The following SLC16A1 variants were observed in gnomAD, a reference collection of about 807,000 sequenced individuals.
SLC16A1 encodes solute carrier family 16 member 1.
Under a neutral mutation model 32.2 loss-of-function variants are expected in SLC16A1, and 11 were observed. That is an observed-to-expected ratio of 0.34 (90% CI 0.21 to 0.56). SLC16A1 has a LOEUF of 0.56. Ranked by LOEUF, SLC16A1 falls within the 20% of genes least tolerant of loss-of-function variation. SLC16A1 has a pLI of 0.87. For missense variants in SLC16A1, 435 were observed against 615.0 expected (o/e 0.71, Z 3.10); for synonymous variants, 231 against 226.8 (o/e 1.02, Z -0.17).
At position 112,913,948 on chromosome 1, in the gene SLC16A1, T is replaced by G. The variant is rs1648411220; in HGVS notation, c.1446A>C (p.Glu482Asp). 3.1e-6 allele frequency: 5 copies of G among 1,614,162 alleles called. No individual in the cohort carries two copies. Among genetic ancestry groups the G allele is most frequent in the Non-Finnish European group, 4.2e-6 (5 of 1,180,016 alleles). The change falls in exon 5 of 5, where the codon GAA (glutamate) becomes GAC (aspartate). Residue 482 changes from glutamate (E) to aspartate (D), a missense_variant. By Grantham distance (45) the Glu-to-Asp change is conservative. Transcript: ENST00000369626. ...GKPNEVTKAAESPDQKDTDGG... is the reference protein window; with the variant it reads ...GKPNEVTKAADSPDQKDTDGG... ...CATCTGTGTCTTTCTGGTCCGGAGA[T>G]TCTGCTGCTTTGGTAACTTCATTTG...
chr1:112,936,850 C>A lies in SLC16A1; in HGVS notation c.-44-7498G>T, dbSNP rs750333737. Among the ~76,000 whole-genome samples the A allele has an allele frequency of 3.9e-5, 6 of 152,202 alleles. No homozygotes were observed. The South Asian group carries it at 1.2e-3, about 32-fold the overall frequency. ...CAGAATAATTCCTTCAAAAATATAA[C>A]CCAGTTTAAAAATTGAAGGTCTTTG... is the stretch of plus-strand genomic sequence containing the variant. On this transcript the variant is annotated intron_variant, in intron 1 of 4. Coordinates refer to ENST00000369626, the MANE Select transcript of SLC16A1 (RefSeq NM_003051.4).
intron 2 of SLC16A1, among the ~76,000 whole-genome samples, chr1:112,925,279 G>C (rs917402295): frequency 5.9e-5 from 9 of 152,106 alleles, no homozygotes; most frequent in Non-Finnish European, 1.3e-4. Flanking sequence ...AAGTGATACT[G>C]CCACCACTGC....
rs1648335506 is a variant in SLC16A1, at chr1:112,911,966, G to A, written c.*1925C>T. On this transcript the variant is annotated 3_prime_UTR_variant, in exon 5 of 5. Coordinates refer to ENST00000369626, the MANE Select transcript of SLC16A1 (RefSeq NM_003051.4). ...AGAGAAGAAGTACGCAGAGGTTACA[G>A]ACTTGGGTCCAAAGAAAATTACAGA... 1 of 152,218 alleles carries A rather than the reference G, an allele frequency of 6.6e-6. No homozygotes were observed. The highest frequency in any genetic ancestry group is 6.5e-5 in the Admixed American group (1 of 15,278). The allele number at this position is 152,218 out of a possible 1,614,324, so 9.4% of individuals were successfully genotyped here. A position where few individuals can be genotyped will look rare whatever the true frequency, so the allele number is the denominator to read the frequency against.
chr1:112,919,718 G>A (rs1338527926), intron 3 of SLC16A1, among the ~76,000 whole-genome samples: 1 of 152,170 alleles, frequency 6.6e-6, no homozygotes, highest in Non-Finnish European at 1.5e-5. Context: ...CTTCCTCCCT[G>A]ACCTCATAGC....
chr1:112,940,229 A>T (rs1649463097), intron 1 of SLC16A1, among the ~76,000 whole-genome samples: 1 of 151,380 alleles, frequency 6.6e-6, no homozygotes, highest in Non-Finnish European at 1.5e-5. Flanking sequence ...GTAGAGATGA[A>T]GTTTTGCCGT....
At chr1:112,945,489 A>G (rs1463661826) in intron 1 of SLC16A1, among the ~76,000 whole-genome samples, 1 of 150,916 alleles carries the variant, frequency 6.6e-6, no homozygotes, top group Non-Finnish European at 1.5e-5. Context: ...AGCCTGGCCA[A>G]CGTGGTGAAA....
chr1:112,921,971 T>C lies in SLC16A1; in HGVS notation c.361+19A>G, dbSNP rs760887058. 1 of 1,613,630 alleles carries C rather than the reference T, an allele frequency of 6.2e-7. No homozygotes were observed. Among genetic ancestry groups the C allele is most frequent in the Non-Finnish European group, 8.5e-7 (1 of 1,179,548 alleles). On this transcript the variant is annotated intron_variant, in intron 3 of 4. Coordinates refer to ENST00000369626, the MANE Select transcript of SLC16A1 (RefSeq NM_003051.4). ...CCAGCCATAAACTAATGCTTCCAAA[T>C]GAATCAGTAGTAACTCACCTCCAAT...
At position 112,912,459 on chromosome 1, in the gene SLC16A1, A is replaced by G. The variant is rs188974082; in HGVS notation, c.*1432T>C. 31 of 152,340 alleles carry G rather than the reference A, an allele frequency of 2.0e-4. No individual in the cohort carries two copies. Among genetic ancestry groups the G allele is most frequent in the African/African-American group, 7.2e-4 (30 of 41,590 alleles). The allele number at this position is 152,340 out of a possible 1,614,324, so 9.4% of individuals were successfully genotyped here. Reference sequence around the variant, plus strand: ...CAGTGGTATTTTAAATGCATTGAATATAATTCATTGAATGTCTGTATCTTT... The same window carrying G: ...CAGTGGTATTTTAAATGCATTGAATGTAATTCATTGAATGTCTGTATCTTT... On this transcript the variant is annotated 3_prime_UTR_variant, in exon 5 of 5. Transcript: ENST00000369626.
At chr1:112,936,273 C>A (rs77172145) in intron 1 of SLC16A1, among the ~76,000 whole-genome samples, 3,472 of 151,782 alleles carry the variant, frequency 0.023, 181 homozygotes, top group East Asian at 0.15. Flanking sequence ...TTTGGGAGGC[C>A]GAGGCGGGTG....
intron 1 of SLC16A1, among the ~76,000 whole-genome samples, chr1:112,951,632 C>T (rs1172205906): frequency 9.9e-5 from 15 of 152,080 alleles, no homozygotes. Flanking sequence ...CAAGAAAGAG[C>T]ATGAAAGACC....
At chr1:112,947,345 T>C (rs945091405) in intron 1 of SLC16A1, among the ~76,000 whole-genome samples, 1 of 152,222 alleles carries the variant, frequency 6.6e-6, no homozygotes, top group Admixed American at 6.5e-5. Flanking sequence ...TATGTTACTT[T>C]GAATGTAAAT....
At position 112,913,712 on chromosome 1, in the gene SLC16A1, C is replaced by T. The variant is rs544367247; in HGVS notation, c.*179G>A. Reference sequence around the variant, plus strand: ...ATCCTTTGCTACCAATCATTCCCTCCTCAAATTCAGGCTATTGGTAAGGAG... The same window carrying T: ...ATCCTTTGCTACCAATCATTCCCTCTTCAAATTCAGGCTATTGGTAAGGAG... On this transcript the variant is annotated 3_prime_UTR_variant, in exon 5 of 5. Coordinates refer to ENST00000369626, the MANE Select transcript of SLC16A1 (RefSeq NM_003051.4). 1 of 702,672 alleles carries T rather than the reference C, an allele frequency of 1.4e-6. No individual in the cohort carries two copies. Among genetic ancestry groups the T allele is most frequent in the African/African-American group, 1.8e-5 (1 of 56,842 alleles). 43.5% of individuals were successfully genotyped at this position (702,672 alleles called of 1,614,324 possible). A position where few individuals can be genotyped will look rare whatever the true frequency, so the allele number is the denominator to read the frequency against.
chr1:112,946,817 C>T (rs1245522980), intron 1 of SLC16A1, among the ~76,000 whole-genome samples: 2 of 152,082 alleles, frequency 1.3e-5, no homozygotes, highest in Admixed American at 6.6e-5. Flanking sequence ...CCTCCCAAAG[C>T]GCTGGGAGAA....
chr1:112,935,089 A>T (rs1242100639), intron 1 of SLC16A1, among the ~76,000 whole-genome samples: 4 of 151,662 alleles, frequency 2.6e-5, no homozygotes, highest in Non-Finnish European at 2.9e-5. Flanking sequence ...CCATAGAAGA[A>T]GATTAATTGA....
At position 112,917,950 on chromosome 1, in the gene SLC16A1, T is replaced by C; in HGVS notation, c.456A>G (p.Ala152=). 6.3e-7 allele frequency: 1 copy of C among 1,590,152 alleles called. No homozygotes were observed. Among genetic ancestry groups the C allele is most frequent in the Non-Finnish European group, 8.5e-7 (1 of 1,173,594 alleles). Residue 152 remains alanine (A), a synonymous_variant, in exon 4 of 5, where the codon GCA becomes GCG. Transcript: ENST00000369626. The surrounding 1 kb of genome is among the most constrained non-coding windows in gnomAD (Gnocchi z 4.1). ...RRPLANGLAM[A]GSPVFLCTLA... ...GAGTACAGAGGAACACAGGGCTGCCTGCCATGGCCAGTCCGTTGGCCAATG... is the reference window on the plus strand; with the variant it reads ...GAGTACAGAGGAACACAGGGCTGCCCGCCATGGCCAGTCCGTTGGCCAATG...
intron 4 of SLC16A1, among the ~76,000 whole-genome samples, chr1:112,915,382 G>T (rs144853984): frequency 1.4e-3 from 212 of 152,286 alleles, no homozygotes; most frequent in African/African-American, 5.0e-3. Context: ...AGAGAGCATG[G>T]TGTGTGAGGG....
intron 1 of SLC16A1, among the ~76,000 whole-genome samples, chr1:112,932,742 C>T (rs940951495): frequency 4.1e-4 from 55 of 132,678 alleles, no homozygotes; most frequent in African/African-American, 1.5e-3. Flanking sequence ...TGCAGTGAGC[C>T]GAGATCGCGC....
chr1:112,943,559 G>A (rs551627899), intron 1 of SLC16A1, among the ~76,000 whole-genome samples: 4 of 152,002 alleles, frequency 2.6e-5, no homozygotes, highest in South Asian at 2.1e-4. Flanking sequence ...AGGTCAAGGC[G>A]GGTGGATCAC....
At chr1:112,938,211 TGA>T (rs1649375842) in intron 1 of SLC16A1, among the ~76,000 whole-genome samples, 1 of 152,210 alleles carries the variant, frequency 6.6e-6, no homozygotes, top group African/African-American at 2.4e-5. Context: ...AATCTGTTAA[TGA>T]GTGTAAACTA....
Sources: gnomAD v4.1 joint callset for allele counts (sites outside exome capture counted in the v4.1 genomes callset) on GRCh38, gnomAD v4.1.1 for gene constraint, Gnocchi (gnomAD v3.1) non-coding constraint, MANE v1.5 for transcripts, NCBI Gene and HGNC (gene_info 2026-07-23, HGNC 2026-07-21) for gene names.